Variants in GABRB2 observed in about 807,000 individuals in gnomAD.
The protein encoded by GABRB2 is gamma-aminobutyric acid type A receptor subunit beta2, also known as gamma-aminobutyric acid receptor subunit beta-2.
A neutral mutation model predicts 54.7 loss-of-function variants in GABRB2; 16 were observed. The ratio of observed to expected loss-of-function variants is 0.29; its 90% CI spans 0.20 to 0.44. The LOEUF (loss-of-function observed/expected upper bound fraction) is 0.44, where lower values mean the gene tolerates loss of function less well. Among genes scored for constraint, GABRB2 ranks in the 20% least tolerant of loss-of-function variants. The pLI is 1.00. For synonymous variants in GABRB2, 244 were observed against 233.8 expected (o/e 1.04, Z -0.40); for missense variants, 355 against 644.0 (o/e 0.55, Z 4.86).
In GABRB2 at chr5:161,293,092, C is replaced by A. The variant is rs1230769295; in HGVS notation, c.*989G>T. The A allele has an allele frequency of 6.6e-6, 1 of 152,188 alleles. No homozygotes were observed. Among genetic ancestry groups the A allele is most frequent in the Non-Finnish European group, 1.5e-5 (1 of 68,026 alleles). 9.4% of individuals were successfully genotyped at this position (152,188 alleles called of 1,614,324 possible). On this transcript the variant is annotated 3_prime_UTR_variant, in exon 10 of 10. Coordinates refer to ENST00000393959, the MANE Select transcript of GABRB2 (RefSeq NM_001371727.1). ...TATATTTGAATGACTCTGAATCTAA[C>A]CTGAATATCTAAGACAATTCTCATT...
chr5:161,501,897 A>T (rs1174507612), intron 3 of GABRB2, among the ~76,000 whole-genome samples: 1 of 149,118 alleles, frequency 6.7e-6, no homozygotes, highest in Non-Finnish European at 1.5e-5. Flanking sequence ...CTTAATAAAC[A>T]TTTCATTATT....
chr5:161,541,792 C>G (rs1026738977), intron 3 of GABRB2, among the ~76,000 whole-genome samples: 2 of 152,300 alleles, frequency 1.3e-5, no homozygotes, highest in African/African-American at 4.8e-5. Flanking sequence ...CATCAGTAAG[C>G]CTTTTCCATT....
At chr5:161,339,763 T>TG (rs1457243595) in intron 5 of GABRB2, among the ~76,000 whole-genome samples, 5 of 152,028 alleles carry the variant, frequency 3.3e-5, no homozygotes, top group Non-Finnish European at 5.9e-5. Context: ...ACTTTTGTCT[T>TG]TATCTCATCG....
intron 5 of GABRB2, among the ~76,000 whole-genome samples, chr5:161,363,527 TA>T (rs1173753380): frequency 1.4e-5 from 2 of 145,160 alleles, no homozygotes; most frequent in African/African-American, 2.5e-5. Flanking sequence ...TAAAGTATAA[TA>T]AAAAAATTAA....
intron 3 of GABRB2, among the ~76,000 whole-genome samples, chr5:161,503,497 T>C (rs1276623254): frequency 6.6e-6 from 1 of 151,584 alleles, no homozygotes; most frequent in South Asian, 2.1e-4. Flanking sequence ...TCACCTGAGG[T>C]TGGGAGTTTG....
At chr5:161,305,157 C>T (rs1189306401) in intron 9 of GABRB2, among the ~76,000 whole-genome samples, 1 of 151,398 alleles carries the variant, frequency 6.6e-6, no homozygotes, top group Non-Finnish European at 1.5e-5. Flanking sequence ...GCTGGGACTA[C>T]AGGCGCCCGC....
intron 3 of GABRB2, among the ~76,000 whole-genome samples, chr5:161,460,133 T>C (rs1331904165): frequency 1.3e-5 from 2 of 151,940 alleles, no homozygotes; most frequent in African/African-American, 2.4e-5. Context: ...TTTAGTAGAG[T>C]TGGGGTTTCA....
intron 3 of GABRB2, among the ~76,000 whole-genome samples, chr5:161,460,258 T>TTATATATATATA (rs148478159): frequency 1.4e-4 from 21 of 148,794 alleles, no homozygotes; most frequent in East Asian, 1.4e-3. Context: ...GAAAACAAAT[T>TTATATATATATA]TATATATATA....
intron 5 of GABRB2, among the ~76,000 whole-genome samples, chr5:161,360,088 A>AG (rs1233404911): frequency 6.6e-6 from 1 of 151,872 alleles, no homozygotes; most frequent in Non-Finnish European, 1.5e-5. Context: ...GTCTAAAAAA[A>AG]AAAAATTGTA....
At chr5:161,403,824 T>C (rs907843063) in intron 5 of GABRB2, among the ~76,000 whole-genome samples, 19 of 152,132 alleles carry the variant, frequency 1.2e-4, no homozygotes, top group African/African-American at 4.6e-4. Context: ...AAGATAAGAA[T>C]TGAAAATTTC....
At chr5:161,310,661 A>ACGCACG (rs1276279343) in intron 9 of GABRB2, among the ~76,000 whole-genome samples, 4 of 138,106 alleles carry the variant, frequency 2.9e-5, no homozygotes, top group Non-Finnish European at 3.0e-5. Flanking sequence ...ACACATGCAC[A>ACGCACG]CGCACGCGCA....
chr5:161,459,094 T>C (rs1758048213), intron 4 of GABRB2: 1 of 154,862 alleles, frequency 6.5e-6, no homozygotes, highest in Admixed American at 6.3e-5. Flanking sequence ...AGTATCACAG[T>C]TATTTCCTGA....
chr5:161,373,218 A>C (rs1304638966), intron 5 of GABRB2, among the ~76,000 whole-genome samples: 1 of 152,160 alleles, frequency 6.6e-6, no homozygotes, highest in Non-Finnish European at 1.5e-5. Flanking sequence ...TTCTCATCTC[A>C]TACACAAGAT....
rs528908074 is a variant in GABRB2, at chr5:161,300,169, G to C, written c.1192-5741C>G. Among the ~76,000 whole-genome samples the C allele has an allele frequency of 2.0e-5, 3 of 152,232 alleles. No homozygotes were observed. In the East Asian group the frequency reaches 5.8e-4, roughly 29 times the overall value. Reference sequence around the variant, plus strand: ...CAGGACCTTTTACATGTGTTTTAAAGGGTAAAAGTGGAGAAAGCCTGCACG... The same window carrying C: ...CAGGACCTTTTACATGTGTTTTAAACGGTAAAAGTGGAGAAAGCCTGCACG... On this transcript the variant is annotated intron_variant, in intron 9 of 9. Transcript: ENST00000393959.
chr5:161,513,375 C>A (rs1759837655), intron 3 of GABRB2, among the ~76,000 whole-genome samples: 1 of 152,116 alleles, frequency 6.6e-6, no homozygotes, highest in Admixed American at 6.6e-5. Flanking sequence ...GACATGGAAC[C>A]AACCTAAGTG....
intron 9 of GABRB2, among the ~76,000 whole-genome samples, chr5:161,322,836 G>T (rs1467990247): frequency 6.6e-6 from 1 of 151,838 alleles, no homozygotes; most frequent in Non-Finnish European, 1.5e-5. Context: ...CATAAGGATT[G>T]CTTTGCCTTC....
intron 5 of GABRB2, among the ~76,000 whole-genome samples, chr5:161,336,973 G>T (rs762743254): frequency 2.0e-5 from 3 of 152,020 alleles, no homozygotes; most frequent in Non-Finnish European, 2.9e-5. Context: ...TCTCATTAGG[G>T]TAGTATAATT....
chr5:161,422,425 A>G (rs1756878317), intron 4 of GABRB2, among the ~76,000 whole-genome samples: 1 of 152,124 alleles, frequency 6.6e-6, no homozygotes, highest in Non-Finnish European at 1.5e-5. Context: ...ATAATAAAAA[A>G]CACTTTAAGA....
chr5:161,479,107 C>T (rs951730672), intron 3 of GABRB2, among the ~76,000 whole-genome samples: 2 of 152,020 alleles, frequency 1.3e-5, no homozygotes, highest in African/African-American at 4.8e-5. Context: ...TCTCATGCTT[C>T]CAAGAGAATA....
Sources: gnomAD v4.1 joint callset for allele counts (sites outside exome capture counted in the v4.1 genomes callset) on GRCh38, gnomAD v4.1.1 for gene constraint, MANE v1.5 for transcripts, NCBI Gene and HGNC (gene_info 2026-07-23, HGNC 2026-07-21) for gene names.